The following SCML4 variants were observed in gnomAD, a reference collection of about 807,000 sequenced individuals.
SCML4 encodes sex comb on midleg-like protein 4.
In SCML4, 34 loss-of-function variants were observed where a neutral mutation model predicts 41.1. The observed-to-expected ratio is 0.83, with a 90% CI of 0.63 to 1.10. SCML4 has a LOEUF of 1.10. Ranked by LOEUF, SCML4 falls within the 50% of genes least tolerant of loss-of-function variation. SCML4 has a pLI of 0.00. For synonymous variants in SCML4, 214 were observed against 220.9 expected (o/e 0.97, Z 0.28); for missense variants, 522 against 534.1 (o/e 0.98, Z 0.22).
the SCML4 span, among the ~76,000 whole-genome samples, chr6:107,842,263 T>C: frequency 5.9e-5 from 9 of 152,224 alleles, no homozygotes; most frequent in Non-Finnish European, 8.8e-5. Context: ...CTTAATTCCA[T>C]TATGCGCCAA....
At chr6:107,751,707 C>T (rs944644164) in intron 2 of SCML4, among the ~76,000 whole-genome samples, 5 of 150,968 alleles carry the variant, frequency 3.3e-5, no homozygotes, top group African/African-American at 1.2e-4. Flanking sequence ...ACCATCTCAG[C>T]TCACTGCAAC....
At chr6:107,740,277 G>A in intron 5 of SCML4, 1 of 405,712 alleles carries the variant, frequency 2.5e-6, no homozygotes, top group Non-Finnish European at 5.0e-6. Flanking sequence ...AAAAAGAGAT[G>A]GTGGAAAGCC....
At chr6:107,809,132 T>C (rs1010772634) in intron 1 of SCML4, among the ~76,000 whole-genome samples, 6 of 152,010 alleles carry the variant, frequency 3.9e-5, no homozygotes, top group Non-Finnish European at 7.4e-5. Context: ...TGCCCTTCCA[T>C]CCCTTCTGCC....
intron 5 of SCML4, among the ~76,000 whole-genome samples, chr6:107,728,976 G>A (rs1288396799): frequency 6.6e-6 from 1 of 152,158 alleles, no homozygotes; most frequent in Non-Finnish European, 1.5e-5. Context: ...CTATAGAGGG[G>A]TTCTGATACA....
intron 4 of SCML4, chr6:107,745,856 G>T (rs1018927523): frequency 2.6e-5 from 4 of 152,322 alleles, no homozygotes; most frequent in Admixed American, 2.6e-4. Context: ...AGCCAGGCTT[G>T]GCGGCAAGTT....
At chr6:107,711,976 T>A (rs1774264199) in intron 6 of SCML4, among the ~76,000 whole-genome samples, 1 of 152,112 alleles carries the variant, frequency 6.6e-6, no homozygotes, top group Non-Finnish European at 1.5e-5. Flanking sequence ...GACTTTGAGA[T>A]CTTCCCTGCC....
intron 2 of SCML4, among the ~76,000 whole-genome samples, chr6:107,767,058 C>A (rs533278364): frequency 1.2e-4 from 18 of 151,164 alleles, no homozygotes; most frequent in Non-Finnish European, 2.1e-4. Flanking sequence ...TCAAGCAATT[C>A]TCCTGCCTCA....
chr6:107,708,809 A>C (rs1005157652), intron 6 of SCML4, among the ~76,000 whole-genome samples: 1 of 152,204 alleles, frequency 6.6e-6, no homozygotes, highest in African/African-American at 2.4e-5. Context: ...GGCTCAGGAC[A>C]GTGAAGGAGG....
chr6:107,720,400 T>C (rs1775254647), intron 6 of SCML4: 1 of 1,066,732 alleles, frequency 9.4e-7, no homozygotes, highest in Non-Finnish European at 1.1e-6. Context: ...CATCCATGAA[T>C]CAGGAACATT....
chr6:107,833,881 G>T, the SCML4 span, among the ~76,000 whole-genome samples: 1 of 152,176 alleles, frequency 6.6e-6, no homozygotes, highest in Non-Finnish European at 1.5e-5. Context: ...AGCTCCTTAT[G>T]CCTGAAACAG....
At chr6:107,802,576 GAGGGAGGAAGGA>G (rs1218169989) in intron 1 of SCML4, among the ~76,000 whole-genome samples, 116 of 51,284 alleles carry the variant, frequency 2.3e-3, no homozygotes, top group Non-Finnish European at 3.6e-3. Context: ...TCGAGGGAGG[GAGGGAGGAAGGA>G]AGGAAGGAAG....
intron 2 of SCML4, among the ~76,000 whole-genome samples, chr6:107,769,529 G>GACTGTATAA (rs1471019318): frequency 2.2e-4 from 34 of 152,222 alleles, no homozygotes; most frequent in African/African-American, 7.0e-4. Flanking sequence ...ATGTCAACCA[G>GACTGTATAA]CATAGACTTG....
In SCML4 at chr6:107,775,336, G is replaced by A. The variant is rs556491819; in HGVS notation, c.-59-2950C>T. On this transcript the variant is annotated intron_variant, in intron 1 of 7. Coordinates refer to ENST00000369020, the MANE Select transcript of SCML4 (RefSeq NM_198081.5). ...ACCCCGCTAGGGTTTCCTGAGCTTA[G>A]AGTTCCTCAACTGAGACACAAACCC... is the stretch of plus-strand genomic sequence containing the variant. Among the ~76,000 whole-genome samples, 18 of 152,322 alleles carry A rather than the reference G, an allele frequency of 1.2e-4. No homozygotes were observed. The South Asian group carries it at 3.7e-3, about 32-fold the overall frequency.
chr6:107,840,855 C>T, the SCML4 span, among the ~76,000 whole-genome samples: 1 of 152,118 alleles, frequency 6.6e-6, no homozygotes, highest in Non-Finnish European at 1.5e-5. Flanking sequence ...GTGGTATCCA[C>T]CTGCTCTGTG....
In SCML4 at chr6:107,745,037, G is replaced by T. The variant is rs538326075; in HGVS notation, c.594C>A (p.Cys198Ter). The change falls in exon 5 of 8, where the codon TGC (cysteine) becomes TGA (stop). Residue 198 changes from cysteine (C) to a stop codon, truncating the protein, a stop_gained. Coordinates refer to ENST00000369020, the MANE Select transcript of SCML4 (RefSeq NM_198081.5). LOFTEE classifies it high-confidence loss of function. ...FLAKLCRSLL[C>*]DDLFSHQPFP... The stretch of plus-strand genomic sequence containing the variant: ...AGGGCTGGTGGCTGAAGAGGTCATC[G>T]CACAGGAGGCTTCGGCACAGCTTGG... 1 of 1,614,096 alleles carries T rather than the reference G, an allele frequency of 6.2e-7. No individual in the cohort carries two copies. The highest frequency in any genetic ancestry group is 8.5e-7 in the Non-Finnish European group (1 of 1,179,970).
rs117462222 is a variant in SCML4, at chr6:107,738,996, T to C, written c.682+5953A>G. 4.0e-3 allele frequency among the ~76,000 whole-genome samples: 612 copies of C among 152,318 alleles called. 7 individuals are homozygous for C. In the East Asian group the frequency reaches 0.053, roughly 13 times the overall value. The stretch of plus-strand genomic sequence containing the variant: ...CAGCCCCTTCAAATTCTGAGTGGCT[T>C]TGACATTTCAAAGCTCTTTACAATG... On this transcript the variant is annotated intron_variant, in intron 5 of 7. Coordinates refer to ENST00000369020, the MANE Select transcript of SCML4 (RefSeq NM_198081.5).
intron 2 of SCML4, among the ~76,000 whole-genome samples, chr6:107,762,827 A>T (rs2114544315): frequency 6.7e-6 from 1 of 148,318 alleles, no homozygotes; most frequent in African/African-American, 2.5e-5. Context: ...GTTGTTTGTT[A>T]TCTAGTTTGT....
intron 2 of SCML4, among the ~76,000 whole-genome samples, chr6:107,767,019 C>T (rs930409846): frequency 6.7e-6 from 1 of 150,084 alleles, no homozygotes; most frequent in Non-Finnish European, 1.5e-5. Context: ...GGCATGATCT[C>T]GGCTCACTGC....
chr6:107,735,493 A>G (rs1276730305), intron 5 of SCML4, among the ~76,000 whole-genome samples: 1 of 151,864 alleles, frequency 6.6e-6, no homozygotes, highest in Admixed American at 6.6e-5. Flanking sequence ...TTATTGTGGT[A>G]AAACACATAT....
Sources: gnomAD v4.1 joint callset for allele counts (sites outside exome capture counted in the v4.1 genomes callset) on GRCh38, gnomAD v4.1.1 for gene constraint, MANE v1.5 for transcripts, NCBI Gene and HGNC (gene_info 2026-07-23, HGNC 2026-07-21) for gene names.